Variants in TCF25 observed in about 807,000 individuals in gnomAD.
TCF25 encodes ribosome quality control complex subunit TCF25.
In TCF25, 41 loss-of-function variants were observed where a neutral mutation model predicts 83.1. The observed-to-expected ratio is 0.49, with a 90% CI of 0.38 to 0.64. The LOEUF is 0.64. Ranked by LOEUF, TCF25 falls within the 30% of genes least tolerant of loss-of-function variation. The pLI, the probability that TCF25 is intolerant of heterozygous loss-of-function variation, is 0.00. For missense variants in TCF25, 979 were observed against 914.5 expected (o/e 1.07, Z -0.91); for synonymous variants, 458 against 365.0 (o/e 1.25, Z -2.90).
chr16:89,894,108 G>T (rs2043637518), intron 7 of TCF25, among the ~76,000 whole-genome samples: 1 of 152,200 alleles, frequency 6.6e-6, no homozygotes, highest in Non-Finnish European at 1.5e-5. Context: ...CGTTCCTGGG[G>T]ACCGTCGCAG....
In TCF25 at chr16:89,886,763, A is replaced by G. The variant is rs8060674; in HGVS notation, c.548+797A>G. Among the ~76,000 whole-genome samples the G allele has an allele frequency of 8.8e-3, 1,336 of 151,682 alleles. 16 individuals are homozygous for G. Among genetic ancestry groups the G allele is most frequent in the African/African-American group, 0.031 (1,269 of 41,314 alleles). On this transcript the variant is annotated intron_variant, in intron 4 of 17. Coordinates refer to ENST00000263346, the MANE Select transcript of TCF25 (RefSeq NM_014972.3). ...GGCAACGAGCAAAACTCCGTCTCAA[A>G]AAAAAGAAAAAAAAAATACAAAAAT...
intron 3 of TCF25, among the ~76,000 whole-genome samples, chr16:89,885,578 T>C (rs1339928635): frequency 2.0e-5 from 3 of 152,218 alleles, no homozygotes; most frequent in Non-Finnish European, 4.4e-5. Context: ...CCTGTTTGCC[T>C]GAGGAGGTGA....
At chr16:89,883,632 A>T in intron 2 of TCF25, 120 bp downstream of exon 2, 1 of 1,243,810 alleles carries the variant, frequency 8.0e-7, no homozygotes, top group Non-Finnish European at 1.1e-6. Flanking sequence ...CATTTTGGTT[A>T]CCTGCTAGTT....
intron 1 of TCF25, among the ~76,000 whole-genome samples, chr16:89,876,787 GGT>G (rs2042223048): frequency 6.6e-6 from 1 of 152,110 alleles, no homozygotes; most frequent in South Asian, 2.1e-4. Context: ...AAATTAGCCG[GGT>G]GTGGCGGCGG....
At chr16:89,879,918 T>TGC (rs1567695101) in intron 1 of TCF25, among the ~76,000 whole-genome samples, 7 of 151,586 alleles carry the variant, frequency 4.6e-5, no homozygotes, top group East Asian at 1.9e-4. Context: ...GTTGTCCGTG[T>TGC]ACACAGACAG....
chr16:89,895,263 C>T, intron 8 of TCF25, 126 bp downstream of exon 8: 1 of 813,678 alleles, frequency 1.2e-6, no homozygotes, highest in Non-Finnish European at 1.9e-6. Context: ...GAGATACAAC[C>T]TACGTAGCAC....
Position 89,907,293 on chromosome 16 carries a change from C to A in TCF25, c.1770C>A (p.Asp590Glu). 6.2e-7 allele frequency: 1 copy of A among 1,605,198 alleles called. No homozygotes were observed. The highest frequency in any genetic ancestry group is 8.5e-7 in the Non-Finnish European group (1 of 1,175,724). ...GGTTTGATCCTCTGCCTCCTTCGGA[C>A]ACAATCTACTCCTACGTCAGGCCAG... ...VMGFDPLPPS[D>E]TIYSYVRPER... Residue 590 changes from aspartate to glutamate, a missense_variant, in exon 16 of 18, where the codon GAC becomes GAA. Asp to Glu is a conservative substitution (Grantham distance 45). Coordinates refer to ENST00000263346, the MANE Select transcript of TCF25 (RefSeq NM_014972.3).
chr16:89,885,884 A>G lies in TCF25; in HGVS notation c.466A>G (p.Arg156Gly). 6.2e-7 allele frequency: 1 copy of G among 1,614,054 alleles called. No homozygotes were observed. The highest frequency in any genetic ancestry group is 8.5e-7 in the Non-Finnish European group (1 of 1,179,980). The change falls in exon 4 of 18, where the codon AGG (arginine) becomes GGG (glycine). Residue 156 changes from arginine (R) to glycine (G), a missense_variant. By Grantham distance (125) the Arg-to-Gly change is moderately radical. Transcript: ENST00000263346. ...GLEDIDRILE[R>G]IEDSTGLNRP... Reference sequence around the variant, plus strand: ...AGAAGATATCGATCGCATCCTAGAGAGGATTGAGGACAGCACTGGGTTGAA... The same window carrying G: ...AGAAGATATCGATCGCATCCTAGAGGGGATTGAGGACAGCACTGGGTTGAA...
intron 16 of TCF25, chr16:89,908,829 G>GCTCCCAGCTCCCAC (rs1555620624): frequency 4.7e-5 from 38 of 807,308 alleles, no homozygotes; most frequent in African/African-American, 4.0e-4. Flanking sequence ...CCAGCTCCCA[G>GCTCCCAGCTCCCAC]CTCCCACCTC....
intron 1 of TCF25, chr16:89,874,995 A>T (rs2042067855): frequency 6.6e-6 from 1 of 152,114 alleles, no homozygotes; most frequent in Admixed American, 6.6e-5. Context: ...GATTCACAGC[A>T]GTTACTGAAA....
chr16:89,895,007 T>C (rs758766840), intron 7 of TCF25, 31 bp from the exon 8 acceptor site: 2 of 1,598,934 alleles, frequency 1.3e-6, no homozygotes, highest in Non-Finnish European at 1.7e-6. Context: ...GCTGAGTGCC[T>C]TTCCTCCAGG....
intron 9 of TCF25, among the ~76,000 whole-genome samples, chr16:89,898,104 G>A (rs867984951): frequency 8.1e-5 from 12 of 147,830 alleles, no homozygotes; most frequent in South Asian, 4.4e-4. Flanking sequence ...GCGAGACTCC[G>A]TCTCAAAAAA....
chr16:89,892,374 C>T, intron 6 of TCF25, 99 bp downstream of exon 6: 1 of 944,576 alleles, frequency 1.1e-6, no homozygotes, highest in East Asian at 4.3e-5. Context: ...GCAGAGGCTG[C>T]TGGGGGTGGA....
intron 16 of TCF25, among the ~76,000 whole-genome samples, chr16:89,908,439 T>A (rs1365936670): frequency 7.0e-6 from 1 of 142,278 alleles, no homozygotes; most frequent in Non-Finnish European, 1.5e-5. Context: ...AGTTCCCACC[T>A]CCTTCCTCGC....
At chr16:89,887,407 A>G (rs2043100428) in intron 4 of TCF25, among the ~76,000 whole-genome samples, 1 of 152,148 alleles carries the variant, frequency 6.6e-6, no homozygotes, top group Non-Finnish European at 1.5e-5. Context: ...TGCCACACAC[A>G]GTGCCTCTTG....
At chr16:89,901,358 C>T (rs1380799624) in intron 12 of TCF25, among the ~76,000 whole-genome samples, 1 of 152,208 alleles carries the variant, frequency 6.6e-6, no homozygotes, top group Non-Finnish European at 1.5e-5. Flanking sequence ...AGATGGGCCT[C>T]CTCCGAGGAG....
At chr16:89,902,407 C>CTCTGAGGGGCTGTGAGGGGTGA (rs1567730548) in intron 12 of TCF25, among the ~76,000 whole-genome samples, 1 of 49,114 alleles carries the variant, frequency 2.0e-5, no homozygotes, top group Non-Finnish European at 3.8e-5. Context: ...GACGGGCCTC[C>CTCTGAGGGGCTGTGAGGGGTGA]GGCCGGGCGC....
At position 89,887,807 on chromosome 16, in the gene TCF25, C is replaced by T. The variant is rs2043130486; in HGVS notation, c.614+90C>T. The T allele has an allele frequency of 4.7e-6, 6 of 1,267,644 alleles. No individual in the cohort carries two copies. In the South Asian group the frequency reaches 7.7e-5, roughly 16 times the overall value. The allele number at this position is 1,267,644 out of a possible 1,614,324, so 78.5% of individuals were successfully genotyped here. On this transcript the variant is annotated intron_variant, in intron 5 of 17. Transcript: ENST00000263346. The stretch of plus-strand genomic sequence containing the variant: ...GTGGTGTTCCTGAAGCTAGTTTACC[C>T]TTGAGGGAGAGTATTTAAAGCCAGA...
chr16:89,906,367 G>T, intron 15 of TCF25, 83 bp downstream of exon 15: 1 of 1,388,514 alleles, frequency 7.2e-7, no homozygotes, highest in Non-Finnish European at 1.0e-6. Flanking sequence ...CCACATGCAG[G>T]CGTGCGTGGT....
Sources: allele counts gnomAD v4.1 joint callset (sites outside exome capture counted in the v4.1 genomes callset), GRCh38; gene constraint gnomAD v4.1.1; transcripts MANE v1.5; gene names NCBI Gene and HGNC (gene_info 2026-07-23, HGNC 2026-07-21).